The following FSTL5 variants were observed in gnomAD, a reference collection of about 807,000 sequenced individuals.
The protein encoded by FSTL5 is follistatin-related protein 5.
FSTL5 carries 62 observed loss-of-function variants against 89.1 expected under a neutral mutation model. That is an observed-to-expected ratio of 0.70 (90% CI 0.57 to 0.86). FSTL5 has a LOEUF of 0.86. Ranked by LOEUF, FSTL5 falls within the 40% of genes least tolerant of loss-of-function variation. FSTL5 has a pLI of 0.00. For synonymous variants in FSTL5, 383 were observed against 346.2 expected, an observed-to-expected ratio of 1.11 and a Z score of -1.18; for missense variants, 1,057 against 1,001.6, an observed-to-expected ratio of 1.06 and a Z score of -0.75.
Position 161,656,318 on chromosome 4 carries a change from A to G in FSTL5, c.894+10T>C. 2 of 1,415,668 alleles carry G rather than the reference A, an allele frequency of 1.4e-6. No homozygotes were observed. The highest frequency in any genetic ancestry group is 4.7e-5 in the East Asian group (2 of 42,854). The allele number at this position is 1,415,668 out of a possible 1,614,324, so 87.7% of individuals were successfully genotyped here. ...TATATATTATAAAGCAACTATATTT[A>G]TGTACTCACATTGATGTCTTCCAAA... On this transcript the variant is annotated intron_variant, in intron 7 of 15. Transcript: ENST00000306100.
At chr4:161,902,822 C>G (rs2110800092) in intron 4 of FSTL5, among the ~76,000 whole-genome samples, 1 of 152,276 alleles carries the variant, frequency 6.6e-6, no homozygotes, top group East Asian at 1.9e-4. Flanking sequence ...GCACTCCAGC[C>G]TGGGCGACAG....
chr4:161,530,585 T>A (rs10016703), intron 10 of FSTL5, among the ~76,000 whole-genome samples: 4,081 of 152,036 alleles, frequency 0.027, 177 homozygotes, highest in African/African-American at 0.091. Flanking sequence ...TATTGCAATA[T>A]GGTAAGATTT....
At chr4:161,757,527 A>G (rs1311021680) in intron 6 of FSTL5, among the ~76,000 whole-genome samples, 1 of 152,138 alleles carries the variant, frequency 6.6e-6, no homozygotes, top group East Asian at 1.9e-4. Context: ...TTAGGTCAAC[A>G]TGAGTTTGAT....
intron 3 of FSTL5, among the ~76,000 whole-genome samples, chr4:161,992,884 ATATATATATATATGTG>A (rs1252284716): frequency 0.053 from 1,124 of 21,264 alleles, 84 homozygotes; most frequent in African/African-American, 0.12. Context: ...ATATATATAT[ATATATATATATATGTG>A]TGTGTATATA....
chr4:162,114,678 A>G (rs1731570398), intron 1 of FSTL5, among the ~76,000 whole-genome samples: 1 of 152,176 alleles, frequency 6.6e-6, no homozygotes, highest in South Asian at 2.1e-4. Flanking sequence ...GATCCCATGC[A>G]TTCAGACTTA....
At chr4:161,406,910 A>G (rs969685726) in intron 15 of FSTL5, among the ~76,000 whole-genome samples, 1 of 152,206 alleles carries the variant, frequency 6.6e-6, no homozygotes, top group Non-Finnish European at 1.5e-5. Flanking sequence ...TTAAGGTTCC[A>G]GAACAAGTAC....
intron 6 of FSTL5, among the ~76,000 whole-genome samples, chr4:161,722,871 C>T (rs1294712287): frequency 1.3e-5 from 2 of 152,146 alleles, no homozygotes; most frequent in Non-Finnish European, 2.9e-5. Context: ...ACTGAGACTT[C>T]TGGGCCTTGA....
At chr4:161,763,169 T>C (rs1740866525) in intron 5 of FSTL5, among the ~76,000 whole-genome samples, 1 of 152,208 alleles carries the variant, frequency 6.6e-6, no homozygotes, top group Admixed American at 6.5e-5. Flanking sequence ...GACTGCCTAC[T>C]ATGTGTCAGG....
At chr4:162,076,218 T>C (rs988905028) in intron 2 of FSTL5, among the ~76,000 whole-genome samples, 16 of 151,902 alleles carry the variant, frequency 1.1e-4, no homozygotes, top group South Asian at 4.1e-4. Flanking sequence ...CATATCGCTA[T>C]AGCTATGGCT....
At chr4:161,965,799 T>C (rs1735309311) in intron 3 of FSTL5, among the ~76,000 whole-genome samples, 1 of 152,074 alleles carries the variant, frequency 6.6e-6, no homozygotes, top group South Asian at 2.1e-4. Flanking sequence ...CATTTTCTGT[T>C]AGTGTCCCAT....
At chr4:161,746,443 T>A (rs1459182568) in intron 6 of FSTL5, among the ~76,000 whole-genome samples, 1 of 152,110 alleles carries the variant, frequency 6.6e-6, no homozygotes, top group Non-Finnish European at 1.5e-5. Context: ...CCCTGGTGAA[T>A]GTTTACAAGC....
At chr4:161,982,545 T>A (rs969377811) in intron 3 of FSTL5, among the ~76,000 whole-genome samples, 1 of 152,218 alleles carries the variant, frequency 6.6e-6, no homozygotes, top group Non-Finnish European at 1.5e-5. Context: ...CATATATTCC[T>A]GGCCACACTT....
At chr4:161,930,825 G>C (rs950785026) in intron 3 of FSTL5, among the ~76,000 whole-genome samples, 38 of 151,946 alleles carry the variant, frequency 2.5e-4, no homozygotes, top group African/African-American at 8.2e-4. Context: ...CCCTAGCTTA[G>C]GTGTTTGGAA....
chr4:162,033,257 T>C (rs942560295), intron 3 of FSTL5, among the ~76,000 whole-genome samples: 1 of 152,130 alleles, frequency 6.6e-6, no homozygotes, highest in Non-Finnish European at 1.5e-5. Flanking sequence ...AGTGACTAAA[T>C]AGTTGGGTCT....
At chr4:161,413,711 G>A (rs1258615365) in intron 15 of FSTL5, among the ~76,000 whole-genome samples, 1 of 152,100 alleles carries the variant, frequency 6.6e-6, no homozygotes, top group African/African-American at 2.4e-5. Context: ...ATTAAACGTG[G>A]TAAATACGAA....
intron 3 of FSTL5, among the ~76,000 whole-genome samples, chr4:161,992,864 ATATAT>A (rs1560957365): frequency 0.019 from 1,223 of 65,432 alleles, 22 homozygotes; most frequent in Middle Eastern, 0.039. Flanking sequence ...AAAAAAAAAT[ATATAT>A]ATATATATAT....
chr4:162,077,887 T>G (rs1040621032), intron 2 of FSTL5, among the ~76,000 whole-genome samples: 2 of 151,860 alleles, frequency 1.3e-5, no homozygotes, highest in Admixed American at 6.6e-5. Flanking sequence ...GCACTCAAGT[T>G]GATAGTCAAG....
intron 3 of FSTL5, among the ~76,000 whole-genome samples, chr4:161,994,832 G>A (rs79210924): frequency 0.055 from 8,358 of 152,174 alleles, 265 homozygotes; most frequent in Non-Finnish European, 0.077. Flanking sequence ...TCTGTAGGTT[G>A]TCTATTTTAT....
At chr4:161,860,740 A>G (rs1017664523) in intron 4 of FSTL5, among the ~76,000 whole-genome samples, 1 of 152,176 alleles carries the variant, frequency 6.6e-6, no homozygotes, top group Non-Finnish European at 1.5e-5. Context: ...TCATAACACT[A>G]TACTTACATG....
Sources: gnomAD v4.1 joint callset for allele counts (sites outside exome capture counted in the v4.1 genomes callset) on GRCh38, gnomAD v4.1.1 for gene constraint, MANE v1.5 for transcripts, NCBI Gene and HGNC (gene_info 2026-07-23, HGNC 2026-07-21) for gene names.